CERT1: variants seen among roughly 807,000 people sequenced by gnomAD.
CERT1 encodes ceramide transfer protein.
In CERT1, 31 loss-of-function variants were observed where a neutral mutation model predicts 87.9. The observed-to-expected ratio is 0.35, with a 90% CI of 0.27 to 0.48. The LOEUF is 0.48. Ranked by LOEUF, CERT1 falls within the 20% of genes least tolerant of loss-of-function variation. The pLI, the probability that CERT1 is intolerant of heterozygous loss-of-function variation, is 0.99. For missense variants in CERT1, 487 were observed against 758.0 expected (o/e 0.64, Z 4.20); for synonymous variants, 289 against 250.9 (o/e 1.15, Z -1.44).
chr5:75,496,091 G>A (rs1256848388), intron 2 of CERT1, among the ~76,000 whole-genome samples: 2 of 151,896 alleles, frequency 1.3e-5, no homozygotes, highest in Non-Finnish European at 2.9e-5. Flanking sequence ...CCTGACAAAC[G>A]TTACGGTATC....
chr5:75,456,756 T>C (rs2112301407), intron 3 of CERT1, among the ~76,000 whole-genome samples: 1 of 148,456 alleles, frequency 6.7e-6, no homozygotes, highest in East Asian at 2.0e-4. Flanking sequence ...TAAAAATCAC[T>C]CAAAATTTGT....
intron 2 of CERT1, among the ~76,000 whole-genome samples, chr5:75,484,035 C>CA (rs1580836418): frequency 2.0e-5 from 3 of 151,910 alleles, no homozygotes; most frequent in African/African-American, 7.3e-5. Flanking sequence ...TTTGAAGACA[C>CA]AGACAGTATA....
chr5:75,425,376 G>A lies in CERT1; in HGVS notation c.580C>T (p.Leu194Phe), dbSNP rs1763571680. The A allele has an allele frequency of 1.2e-6, 2 of 1,613,534 alleles. No individual in the cohort carries two copies. Among genetic ancestry groups the A allele is most frequent in the Non-Finnish European group, 8.5e-7 (1 of 1,179,754 alleles). ...CCTAATTAACCTTTATCCCTTTGAA[G>A]TTCATCCTTAGAGACAGCATCAGCA... is the stretch of plus-strand genomic sequence containing the variant. The part of the protein sequence containing the change: ...ACADAVSKDE[L>F]QRDKVVEDDE... The change falls in exon 5 of 17, where the codon CTT becomes TTT. Residue 194 changes from leucine (L) to phenylalanine (F), a missense_variant. Coordinates refer to ENST00000643780, the MANE Select transcript of CERT1 (RefSeq NM_001379029.1).
At chr5:75,411,172 G>A in intron 7 of CERT1, 69 bp from the exon 8 acceptor site, 1 of 807,818 alleles carries the variant, frequency 1.2e-6, no homozygotes, top group Non-Finnish European at 2.0e-6. Context: ...TCTTTTAGGT[G>A]GAATTCCTCT....
At chr5:75,483,028 C>G (rs1440803278) in intron 2 of CERT1, among the ~76,000 whole-genome samples, 1 of 152,142 alleles carries the variant, frequency 6.6e-6, no homozygotes, top group African/African-American at 2.4e-5. Flanking sequence ...CATGACCTCA[C>G]CAAACAAACT....
intron 5 of CERT1, among the ~76,000 whole-genome samples, chr5:75,421,255 T>C (rs1763366104): frequency 6.6e-6 from 1 of 152,246 alleles, no homozygotes; most frequent in Non-Finnish European, 1.5e-5. Context: ...AGCTGTCTTT[T>C]TTATGGATGC....
chr5:75,386,002 A>C lies in CERT1; in HGVS notation c.1317T>G (p.Ile439Met). The stretch of plus-strand genomic sequence containing the variant: ...GGGTAGCTTTTAAAGGATCCAGAAC[A>C]ATCCCATTTTCTTCTACTTCTCTTC... ...VYRREVEENG[I>M]VLDPLKATHA... The change falls in exon 13 of 17, where the codon ATT becomes ATG. Residue 439 changes from isoleucine to methionine, a missense_variant. Around this residue, in one of 8 missense-constraint regions of CERT1, gnomAD observed 147 missense variants for 200.8 expected, o/e 0.73. Coordinates refer to ENST00000643780, the MANE Select transcript of CERT1 (RefSeq NM_001379029.1). The C allele has an allele frequency of 1.3e-6, 2 of 1,583,098 alleles. No homozygotes were observed. Among genetic ancestry groups the C allele is most frequent in the East Asian group, 2.3e-5 (1 of 43,634 alleles).
At chr5:75,459,266 T>C (rs796792053) in intron 2 of CERT1, 85 bp from the exon 3 acceptor site, 7 of 757,612 alleles carry the variant, frequency 9.2e-6, no homozygotes, top group Non-Finnish European at 1.6e-5. Flanking sequence ...ATGAACATAC[T>C]CATTCTGTGC....
intron 2 of CERT1, 52 bp downstream of exon 2, chr5:75,505,930 T>C: frequency 7.0e-7 from 1 of 1,436,008 alleles, no homozygotes; most frequent in South Asian, 1.2e-5. Context: ...GTTCCTGGTA[T>C]GTAGCTGACA....
intron 1 of CERT1, among the ~76,000 whole-genome samples, chr5:75,507,164 T>C (rs1767687685): frequency 6.6e-6 from 1 of 152,192 alleles, no homozygotes; most frequent in Non-Finnish European, 1.5e-5. Context: ...GGTCTCGCTC[T>C]GTCACCCAGG....
chr5:75,431,326 T>C (rs971450400), intron 3 of CERT1, among the ~76,000 whole-genome samples: 1 of 152,224 alleles, frequency 6.6e-6, no homozygotes, highest in Non-Finnish European at 1.5e-5. Context: ...TGGTTTTCTG[T>C]TCCTGTGTTA....
chr5:75,400,251 G>A lies in CERT1; in HGVS notation c.1064C>T (p.Ser355Phe). The A allele has an allele frequency of 6.2e-7, 1 of 1,613,880 alleles. No individual in the cohort carries two copies. Among genetic ancestry groups the A allele is most frequent in the Non-Finnish European group, 8.5e-7 (1 of 1,179,756 alleles). ...VRLHWPTSLP[S>F]GDAFSSVGTH... ...CCCCACAGAAGAAAAGGCATCTCCA[G>A]AGGGCAAGGATGTAGGCCAATGTAA... The change falls in exon 10 of 17, where the codon TCT (serine) becomes TTT (phenylalanine). Residue 355 changes from serine to phenylalanine, a missense_variant. Around this residue, in one of 8 missense-constraint regions of CERT1, gnomAD observed 91 missense variants for 86.7 expected, o/e 1.05. Coordinates refer to ENST00000643780, the MANE Select transcript of CERT1 (RefSeq NM_001379029.1).
In CERT1 at chr5:75,425,351, C is replaced by G; in HGVS notation, c.595+10G>C. 6.2e-7 allele frequency: 1 copy of G among 1,609,318 alleles called. No individual in the cohort carries two copies. The highest frequency in any genetic ancestry group is 8.5e-7 in the Non-Finnish European group (1 of 1,177,932). ...CTCCAAGTAAAAATAGTGGTAATAG[C>G]CTAATTAACCTTTATCCCTTTGAAG... On this transcript the variant is annotated intron_variant, in intron 5 of 16. Transcript: ENST00000643780.
chr5:75,507,903 A>G (rs1767728066), intron 1 of CERT1, among the ~76,000 whole-genome samples: 3 of 152,182 alleles, frequency 2.0e-5, no homozygotes, highest in Non-Finnish European at 4.4e-5. Context: ...CCTTCATAGT[A>G]AACCCTTAAA....
At chr5:75,471,861 A>T (rs937941797) in intron 2 of CERT1, among the ~76,000 whole-genome samples, 44 of 152,108 alleles carry the variant, frequency 2.9e-4, no homozygotes, top group Non-Finnish European at 4.9e-4. Context: ...AAAGCAATCT[A>T]CAGATTCAAT....
intron 3 of CERT1, among the ~76,000 whole-genome samples, chr5:75,444,236 A>C (rs1387590872): frequency 6.6e-6 from 1 of 151,982 alleles, no homozygotes; most frequent in Non-Finnish European, 1.5e-5. Flanking sequence ...TTATAGTTTT[A>C]GTAGAGATGA....
At chr5:75,478,973 A>G (rs1259516625) in intron 2 of CERT1, among the ~76,000 whole-genome samples, 1 of 150,848 alleles carries the variant, frequency 6.6e-6, no homozygotes, top group Non-Finnish European at 1.5e-5. Context: ...CCAAGAAATC[A>G]GCTCGAAGGT....
Position 75,411,034 on chromosome 5 carries a change from G to T in CERT1, c.907C>A (p.His303Asn), listed in dbSNP as rs752029583. 1 of 1,585,876 alleles carries T rather than the reference G, an allele frequency of 6.3e-7. No homozygotes were observed. Among genetic ancestry groups the T allele is most frequent in the South Asian group, 1.1e-5 (1 of 87,530 alleles). ...ACTTCATAATCTGGTCCTCCAAAGT[G>T]GGATTTTTTCTTAAGTTCTGTCATT... Reference protein sequence around the residue: ...NAMTELKKKSHFGGPDYEEGP... With the variant: ...NAMTELKKKSNFGGPDYEEGP... The change falls in exon 8 of 17, where the codon CAC becomes AAC. Residue 303 changes from histidine (H) to asparagine (N), a missense_variant. By Grantham distance (68) the His-to-Asn change is moderately conservative. Transcript: ENST00000643780.
At chr5:75,470,534 T>C (rs1345817662) in intron 2 of CERT1, among the ~76,000 whole-genome samples, 10 of 152,160 alleles carry the variant, frequency 6.6e-5, no homozygotes, top group Admixed American at 1.3e-4. Context: ...CTATGATCAA[T>C]AGATGCAGAA....
Sources: gnomAD v4.1 joint callset for allele counts (sites outside exome capture counted in the v4.1 genomes callset) on GRCh38, gnomAD v4.1.1 for gene constraint, gnomAD v4.1.1 regional missense constraint, MANE v1.5 for transcripts, NCBI Gene and HGNC (gene_info 2026-07-23, HGNC 2026-07-21) for gene names.